Variants in MAST4 observed in about 807,000 individuals in gnomAD.
The protein encoded by MAST4 is microtubule associated serine/threonine kinase family member 4, also known as microtubule-associated serine/threonine-protein kinase 4.
A neutral mutation model predicts 162.7 loss-of-function variants in MAST4; 89 were observed. The ratio of observed to expected loss-of-function variants is 0.55; its 90% confidence interval spans 0.46 to 0.65. The LOEUF (loss-of-function observed/expected upper bound fraction) is 0.65, where lower values mean the gene tolerates loss of function less well. Among genes scored for constraint, MAST4 ranks in the 30% least tolerant of loss-of-function variants. MAST4 has a pLI of 0.00. For synonymous variants in MAST4, 1,479 were observed against 1,361.1 expected (o/e 1.09, Z -1.91); for missense variants, 3,153 against 3,374.0 (o/e 0.93, Z 1.62).
intron 3 of MAST4, among the ~76,000 whole-genome samples, chr5:66,818,798 G>A (rs1206496654): frequency 3.9e-5 from 6 of 152,164 alleles, no homozygotes; most frequent in Non-Finnish European, 7.3e-5. Flanking sequence ...TGGGCCCTTC[G>A]TTCTGGCATA....
chr5:66,916,889 G>A (rs1764151756), intron 4 of MAST4: 2 of 674,148 alleles, frequency 3.0e-6, no homozygotes, highest in South Asian at 3.3e-5. Flanking sequence ...GTTGTTTTCA[G>A]TACTCCCTTT....
chr5:66,691,503 C>G (rs998042398), intron 1 of MAST4, among the ~76,000 whole-genome samples: 2 of 152,052 alleles, frequency 1.3e-5, no homozygotes, highest in African/African-American at 2.4e-5. Flanking sequence ...CATTCAGGTT[C>G]CTATAACAGA....
At position 66,836,712 on chromosome 5, in the gene MAST4, A is replaced by G. The variant is rs1757990277; in HGVS notation, c.642+47918A>G. 1.3e-5 allele frequency among the ~76,000 whole-genome samples: 2 copies of G among 152,192 alleles called. 1 individual carries two copies. Among genetic ancestry groups the G allele is most frequent in the South Asian group, 4.1e-4 (2 of 4,826 alleles). On this transcript the variant is annotated intron_variant, in intron 3 of 28. Coordinates refer to ENST00000403625, the MANE Select transcript of MAST4 (RefSeq NM_001164664.2). ...AAAGGAACAGAAAACCAAATACTGC[A>G]TGTTCTCACTTTGAAATGGGAGCTA...
At chr5:66,934,339 T>A (rs1344431178) in intron 4 of MAST4, among the ~76,000 whole-genome samples, 1 of 152,158 alleles carries the variant, frequency 6.6e-6, no homozygotes, top group African/African-American at 2.4e-5. Flanking sequence ...TATTCCATAA[T>A]ATCATTTGGT....
At chr5:66,696,202 G>T (rs2149503306) in intron 1 of MAST4, among the ~76,000 whole-genome samples, 1 of 152,236 alleles carries the variant, frequency 6.6e-6, no homozygotes, top group African/African-American at 2.4e-5. Context: ...GGCCTGTTGG[G>T]GCGGAGGGTG....
chr5:66,974,952 T>A (rs894412846), intron 4 of MAST4, among the ~76,000 whole-genome samples: 2 of 152,168 alleles, frequency 1.3e-5, no homozygotes, highest in African/African-American at 4.8e-5. Context: ...CCCAAAGATA[T>A]CAGGTTCTAA....
chr5:66,998,192 A>G (rs1750890107), intron 4 of MAST4, among the ~76,000 whole-genome samples: 1 of 152,214 alleles, frequency 6.6e-6, no homozygotes. Context: ...CTTAAACCAA[A>G]TTGACACTTC....
chr5:66,969,234 C>A (rs1402511979), intron 4 of MAST4, among the ~76,000 whole-genome samples: 1 of 152,032 alleles, frequency 6.6e-6, no homozygotes, highest in Admixed American at 6.6e-5. Context: ...CAGCATAGAC[C>A]CCACCTAGCT....
chr5:66,996,660 C>T (rs536064049), intron 4 of MAST4, among the ~76,000 whole-genome samples: 3 of 152,288 alleles, frequency 2.0e-5, no homozygotes, highest in Admixed American at 6.5e-5. Flanking sequence ...GCATTCCTTG[C>T]AGTTTTTTGG....
intron 4 of MAST4, among the ~76,000 whole-genome samples, chr5:66,948,634 T>G (rs937969809): frequency 2.6e-5 from 4 of 152,118 alleles, no homozygotes; most frequent in Non-Finnish European, 5.9e-5. Context: ...ATGCCATCTG[T>G]GTCCACTGGT....
chr5:67,126,114 G>C (rs1189817475), intron 14 of MAST4, among the ~76,000 whole-genome samples: 1 of 150,646 alleles, frequency 6.6e-6, no homozygotes, highest in East Asian at 2.0e-4. Context: ...TTGTAAATTT[G>C]TTTAAGTTCT....
intron 3 of MAST4, among the ~76,000 whole-genome samples, chr5:66,867,123 C>T (rs919960646): frequency 7.2e-5 from 11 of 151,928 alleles, no homozygotes; most frequent in Admixed American, 2.0e-4. Context: ...ATATATGCTC[C>T]GATATATGAT....
intron 3 of MAST4, among the ~76,000 whole-genome samples, chr5:66,860,585 T>A (rs1305537988): frequency 2.0e-5 from 3 of 150,896 alleles, no homozygotes; most frequent in Non-Finnish European, 2.9e-5. Flanking sequence ...TAGCACATTT[T>A]TCTTGGCAAA....
Position 66,684,561 on chromosome 5 carries a change from A to G in MAST4, c.364-75148A>G, listed in dbSNP as rs1044591487. Among the ~76,000 whole-genome samples the G allele has an allele frequency of 2.2e-4, 33 of 152,222 alleles. 1 individual carries two copies. The highest frequency in any genetic ancestry group is 8.8e-5 in the Non-Finnish European group (6 of 68,042). ...CATTGTGAATGTGGGTAGTAGGTGC[A>G]TATATGTTTTATACATACACATTTG... On this transcript the variant is annotated intron_variant, in intron 1 of 28. Transcript: ENST00000403625.
intron 4 of MAST4, among the ~76,000 whole-genome samples, chr5:66,900,906 T>G (rs765781869): frequency 2.0e-5 from 3 of 152,136 alleles, no homozygotes; most frequent in Non-Finnish European, 4.4e-5. Flanking sequence ...CTTCCTGTCT[T>G]TTGTACAAGT....
At chr5:66,971,998 G>T (rs1344699178) in intron 4 of MAST4, among the ~76,000 whole-genome samples, 3 of 145,318 alleles carry the variant, frequency 2.1e-5, no homozygotes, top group Non-Finnish European at 4.4e-5. Flanking sequence ...ATACAAATGC[G>T]AAAACTTTAA....
At chr5:66,827,644 A>G (rs990054512) in intron 3 of MAST4, among the ~76,000 whole-genome samples, 2 of 152,234 alleles carry the variant, frequency 1.3e-5, no homozygotes, top group African/African-American at 4.8e-5. Context: ...AAACATCACT[A>G]GATAACTGGG....
chr5:66,935,072 A>G (rs967984772), intron 4 of MAST4, among the ~76,000 whole-genome samples: 3 of 152,180 alleles, frequency 2.0e-5, no homozygotes, highest in Non-Finnish European at 4.4e-5. Flanking sequence ...AATAGGACCA[A>G]TCTGAGGCTT....
chr5:67,056,985 G>A (rs998082425), intron 5 of MAST4, among the ~76,000 whole-genome samples: 3 of 152,212 alleles, frequency 2.0e-5, no homozygotes, highest in Middle Eastern at 3.4e-3. Context: ...TCATAGGCAC[G>A]AGCCACCGCA....
Sources: allele counts gnomAD v4.1 joint callset (sites outside exome capture counted in the v4.1 genomes callset), GRCh38; gene constraint gnomAD v4.1.1; transcripts MANE v1.5; gene names NCBI Gene and HGNC (gene_info 2026-07-23, HGNC 2026-07-21).